The following CEP126 variants were observed in gnomAD, a reference collection of about 807,000 sequenced individuals.
The protein encoded by CEP126 is centrosomal protein of 126 kDa.
In CEP126, 74 loss-of-function variants were observed where a neutral mutation model predicts 107.8. The ratio of observed to expected loss-of-function variants is 0.69; its 90% CI spans 0.57 to 0.83. The LOEUF is 0.83. CEP126 is among the 40% of genes least tolerant of loss of function. The probability of loss-of-function intolerance (pLI) is 0.00; values close to 1 mark genes in which losing one functional copy is unlikely to be tolerated. For synonymous variants in CEP126, 449 were observed against 446.0 expected (o/e 1.01, Z -0.08); for missense variants, 1,237 against 1,281.9 (o/e 0.96, Z 0.53).
At chr11:101,934,870 G>A (rs1301140058) in intron 2 of CEP126, among the ~76,000 whole-genome samples, 2 of 152,008 alleles carry the variant, frequency 1.3e-5, no homozygotes, top group African/African-American at 4.8e-5. Context: ...TCCATAAGTA[G>A]GAAATCTTTT....
At chr11:101,972,001 T>G (rs1336258525) in intron 6 of CEP126, among the ~76,000 whole-genome samples, 1 of 150,166 alleles carries the variant, frequency 6.7e-6, no homozygotes, top group Non-Finnish European at 1.5e-5. Context: ...CCCAGCTACT[T>G]GGGAGGCTGA....
chr11:101,927,756 T>TTTA (rs1017585726), intron 2 of CEP126, among the ~76,000 whole-genome samples: 3 of 152,128 alleles, frequency 2.0e-5, no homozygotes, highest in African/African-American at 4.8e-5. Flanking sequence ...TTGCTGAATA[T>TTTA]TTATTATTAT....
At chr11:101,939,818 G>A (rs929681533) in intron 2 of CEP126, among the ~76,000 whole-genome samples, 4 of 152,168 alleles carry the variant, frequency 2.6e-5, no homozygotes, top group African/African-American at 9.7e-5. Flanking sequence ...AAATTCCCCT[G>A]AACATCTAGG....
At chr11:101,971,966 G>A (rs1441503777) in intron 6 of CEP126, among the ~76,000 whole-genome samples, 1 of 151,988 alleles carries the variant, frequency 6.6e-6, no homozygotes, top group Admixed American at 6.6e-5. Flanking sequence ...AAAATTAGCT[G>A]GGCGTGGTGG....
At chr11:101,944,101 A>T (rs1940704288) in intron 2 of CEP126, among the ~76,000 whole-genome samples, 164 bp from the exon 3 acceptor site, 1 of 152,140 alleles carries the variant, frequency 6.6e-6, no homozygotes, top group African/African-American at 2.4e-5. Context: ...ATTTACAAAG[A>T]AATAAGTCTT....
chr11:101,997,547 T>A (rs1941456343), intron 10 of CEP126, 52 bp from the exon 11 acceptor site: 9 of 1,613,388 alleles, frequency 5.6e-6, no homozygotes, highest in Non-Finnish European at 6.8e-6. Context: ...AGTTTGTAGC[T>A]GCAGTGTTTT....
chr11:101,950,853 T>C (rs1400665774), intron 4 of CEP126, among the ~76,000 whole-genome samples: 1 of 152,236 alleles, frequency 6.6e-6, no homozygotes, highest in Non-Finnish European at 1.5e-5. Context: ...GTGTGAACTT[T>C]ATCCTGTAAC....
chr11:101,983,678 G>T (rs1003013385), intron 8 of CEP126, among the ~76,000 whole-genome samples: 2 of 152,218 alleles, frequency 1.3e-5, no homozygotes, highest in South Asian at 2.1e-4. Flanking sequence ...GACACCAGAA[G>T]AAGTATATGT....
chr11:101,915,535 G>T (rs1238738105), intron 1 of CEP126, 123 bp downstream of exon 1: 9 of 1,265,590 alleles, frequency 7.1e-6, no homozygotes, highest in Non-Finnish European at 9.8e-6. Context: ...TCTTAGTGCA[G>T]ATATTTCCTT....
At chr11:101,983,864 T>G (rs931893879) in intron 8 of CEP126, among the ~76,000 whole-genome samples, 1 of 152,186 alleles carries the variant, frequency 6.6e-6, no homozygotes, top group African/African-American at 2.4e-5. Flanking sequence ...CCTCACTGAT[T>G]TCAAGGAGTG....
intron 10 of CEP126, among the ~76,000 whole-genome samples, chr11:101,993,714 C>A (rs1941411589): frequency 6.6e-6 from 1 of 152,218 alleles, no homozygotes; most frequent in African/African-American, 2.4e-5. Context: ...TCACCAGTAT[C>A]TGCTATTTTT....
chr11:101,917,682 A>G (rs1940247171), intron 1 of CEP126, among the ~76,000 whole-genome samples: 2 of 149,840 alleles, frequency 1.3e-5, no homozygotes, highest in Non-Finnish European at 3.0e-5. Flanking sequence ...CTACCCTTCA[A>G]CCCTCCCATT....
intron 2 of CEP126, among the ~76,000 whole-genome samples, chr11:101,926,947 G>GTA (rs1940420937): frequency 6.6e-6 from 1 of 152,152 alleles, no homozygotes; most frequent in African/African-American, 2.4e-5. Context: ...GCCTGTAACA[G>GTA]TTAAGTTTGG....
chr11:101,925,930 C>T (rs910783131), intron 2 of CEP126, among the ~76,000 whole-genome samples: 6 of 150,930 alleles, frequency 4.0e-5, no homozygotes, highest in East Asian at 4.0e-4. Flanking sequence ...GCTGGGATTA[C>T]GGGCATGAGC....
At chr11:101,922,926 C>T (rs1434954749) in intron 2 of CEP126, among the ~76,000 whole-genome samples, 166 bp downstream of exon 2, 1 of 152,074 alleles carries the variant, frequency 6.6e-6, no homozygotes, top group Non-Finnish European at 1.5e-5. Flanking sequence ...TTTTCCTTCC[C>T]AAAGCACAAG....
chr11:101,997,417 A>T (rs1941455022), intron 10 of CEP126, among the ~76,000 whole-genome samples, 182 bp from the exon 11 acceptor site: 1 of 152,244 alleles, frequency 6.6e-6, no homozygotes, highest in South Asian at 2.1e-4. Flanking sequence ...AAAGGTACTG[A>T]TGAACATAAT....
chr11:101,971,183 G>T (rs1941123641), intron 6 of CEP126, among the ~76,000 whole-genome samples: 1 of 152,146 alleles, frequency 6.6e-6, no homozygotes, highest in African/African-American at 2.4e-5. Flanking sequence ...TGCCCAGGCT[G>T]GTCTCAAACT....
At chr11:101,919,679 TAAAG>T (rs1591265992) in intron 1 of CEP126, among the ~76,000 whole-genome samples, 1 of 152,198 alleles carries the variant, frequency 6.6e-6, no homozygotes. Flanking sequence ...TACTTATATA[TAAAG>T]AAAGTAGAAA....
intron 6 of CEP126, among the ~76,000 whole-genome samples, chr11:101,972,612 C>T (rs1273199539): frequency 1.3e-5 from 2 of 151,932 alleles, no homozygotes; most frequent in Admixed American, 1.3e-4. Flanking sequence ...ACCAGCCTGG[C>T]CAACATAGTG....
Sources: allele counts gnomAD v4.1 joint callset (sites outside exome capture counted in the v4.1 genomes callset), GRCh38; gene constraint gnomAD v4.1.1; transcripts MANE v1.5; gene names NCBI Gene and HGNC (gene_info 2026-07-23, HGNC 2026-07-21).